Variants in PTPRD observed in about 807,000 individuals in gnomAD.
PTPRD encodes the protein receptor-type tyrosine-protein phosphatase delta.
PTPRD carries 34 observed loss-of-function variants against 214.5 expected under a neutral mutation model. That is an observed-to-expected ratio of 0.16 (90% CI 0.12 to 0.21). PTPRD has a LOEUF of 0.21. Among genes scored for constraint, PTPRD ranks in the 10% least tolerant of loss-of-function variants. PTPRD has a pLI of 1.00. For missense variants in PTPRD, 2,545 were observed against 2,398.7 expected (o/e 1.06, Z -1.27); for synonymous variants, 1,128 against 845.7 (o/e 1.33, Z -5.79).
At chr9:8,493,171 G>C (rs1162903390) in intron 26 of PTPRD, among the ~76,000 whole-genome samples, 192 bp from the exon 27 acceptor site, 1 of 152,138 alleles carries the variant, frequency 6.6e-6, no homozygotes, top group African/African-American at 2.4e-5. Context: ...GGCATCTTCA[G>C]GCATCTTGGG....
At chr9:8,930,658 C>T (rs922013094) in intron 11 of PTPRD, among the ~76,000 whole-genome samples, 1 of 152,312 alleles carries the variant, frequency 6.6e-6, no homozygotes, top group South Asian at 2.1e-4. Context: ...ACCATTCTAA[C>T]TGGTGTGAGA....
intron 8 of PTPRD, among the ~76,000 whole-genome samples, chr9:9,493,931 C>T (rs183313353): frequency 6.6e-6 from 1 of 151,618 alleles, no homozygotes; most frequent in African/African-American, 2.4e-5. Flanking sequence ...GATTTTATTC[C>T]AAATGCTATT....
chr9:10,132,350 T>C (rs1173969784), intron 3 of PTPRD, among the ~76,000 whole-genome samples: 1 of 150,790 alleles, frequency 6.6e-6, no homozygotes, highest in African/African-American at 2.5e-5. Flanking sequence ...AGAATGTAAT[T>C]TAAAAAAAAC....
chr9:10,418,446 TA>T (rs2098514720), intron 2 of PTPRD, among the ~76,000 whole-genome samples: 1 of 124,652 alleles, frequency 8.0e-6, no homozygotes, highest in Non-Finnish European at 1.7e-5. Flanking sequence ...CCTTCCCCTC[TA>T]CACACACACA....
At chr9:10,491,726 T>A (rs929127202) in intron 2 of PTPRD, among the ~76,000 whole-genome samples, 8 of 151,992 alleles carry the variant, frequency 5.3e-5, no homozygotes, top group African/African-American at 1.2e-4. Context: ...TTTTTTTTTT[T>A]ATTATACTTT....
chr9:10,251,399 CTTT>C (rs148395499), intron 3 of PTPRD, among the ~76,000 whole-genome samples: 13 of 149,348 alleles, frequency 8.7e-5, no homozygotes, highest in Non-Finnish European at 1.2e-4. Context: ...TCTTTCCATT[CTTT>C]TTTTTTTTTA....
intron 3 of PTPRD, among the ~76,000 whole-genome samples, chr9:10,275,806 G>A (rs779912488): frequency 4.9e-4 from 75 of 152,166 alleles, no homozygotes; most frequent in Non-Finnish European, 7.4e-4. Flanking sequence ...CAAAAGTGAA[G>A]CATGCCTCAG....
At chr9:8,699,909 G>A (rs1045162879) in intron 12 of PTPRD, among the ~76,000 whole-genome samples, 2 of 152,112 alleles carry the variant, frequency 1.3e-5, no homozygotes, top group African/African-American at 4.8e-5. Flanking sequence ...TGGCCATTTT[G>A]TAGGCCCTGA....
chr9:8,951,395 C>A (rs1412810885), intron 11 of PTPRD, among the ~76,000 whole-genome samples: 5 of 148,440 alleles, frequency 3.4e-5, no homozygotes, highest in African/African-American at 1.2e-4. Flanking sequence ...TCTTCTCTTT[C>A]CTCCTTAACA....
At chr9:8,615,079 C>T (rs2095566745) in intron 14 of PTPRD, among the ~76,000 whole-genome samples, 1 of 152,066 alleles carries the variant, frequency 6.6e-6, no homozygotes, top group Non-Finnish European at 1.5e-5. Flanking sequence ...TGATAATGTT[C>T]TGGGGGCTTT....
intron 14 of PTPRD, among the ~76,000 whole-genome samples, chr9:8,558,019 C>A (rs73640929): frequency 0.18 from 27,603 of 151,756 alleles, 3,023 homozygotes; most frequent in African/African-American, 0.31. Flanking sequence ...AATTATGTAA[C>A]TAATTAATCT....
chr9:9,918,350 G>GGA (rs1566300005), intron 5 of PTPRD, among the ~76,000 whole-genome samples: 1 of 21,154 alleles, frequency 4.7e-5, no homozygotes. Flanking sequence ...AACCAAAGAG[G>GGA]TAAAAAAAAA....
intron 21 of PTPRD, among the ~76,000 whole-genome samples, chr9:8,516,626 T>C (rs2097784952): frequency 6.6e-6 from 1 of 152,036 alleles, no homozygotes; most frequent in South Asian, 2.1e-4. Flanking sequence ...ATTGCCAGGA[T>C]TAGCAATGAG....
intron 14 of PTPRD, among the ~76,000 whole-genome samples, chr9:8,558,755 A>C (rs560556339): frequency 6.6e-6 from 1 of 152,178 alleles, no homozygotes; most frequent in Non-Finnish European, 1.5e-5. Flanking sequence ...ATGTTACCAA[A>C]ATAGGGTGAA....
intron 14 of PTPRD, among the ~76,000 whole-genome samples, chr9:8,592,890 G>C (rs919607270): frequency 6.6e-6 from 1 of 152,206 alleles, no homozygotes; most frequent in Non-Finnish European, 1.5e-5. Context: ...AAGTTGAATC[G>C]TGAAGGATAG....
At chr9:8,337,125 T>G (rs1007778258) in intron 43 of PTPRD, among the ~76,000 whole-genome samples, 4 of 152,146 alleles carry the variant, frequency 2.6e-5, no homozygotes, top group African/African-American at 9.7e-5. Context: ...TATAAATCAT[T>G]CTACTATAAA....
intron 9 of PTPRD, among the ~76,000 whole-genome samples, chr9:9,218,818 T>TA (rs1005993874): frequency 6.6e-5 from 10 of 151,994 alleles, no homozygotes; most frequent in Non-Finnish European, 8.8e-5. Flanking sequence ...GCTGACGAGG[T>TA]AAAAAACACT....
At chr9:9,055,441 G>C (rs190358915) in intron 10 of PTPRD, among the ~76,000 whole-genome samples, 311 of 152,124 alleles carry the variant, frequency 2.0e-3, no homozygotes, top group African/African-American at 6.8e-3. Context: ...AAATATATAC[G>C]TAATGCCAGT....
chr9:10,412,446 C>G (rs1367634603), intron 2 of PTPRD, among the ~76,000 whole-genome samples: 2 of 151,540 alleles, frequency 1.3e-5, no homozygotes, highest in East Asian at 3.9e-4. Context: ...AAAAAAAAAG[C>G]TTAGGACCAG....
Sources: gnomAD v4.1 joint callset for allele counts (sites outside exome capture counted in the v4.1 genomes callset) on GRCh38, gnomAD v4.1.1 for gene constraint, MANE v1.5 for transcripts, NCBI Gene and HGNC (gene_info 2026-07-23, HGNC 2026-07-21) for gene names.